AKAP19: variants seen among roughly 807,000 people sequenced by gnomAD.
The protein encoded by AKAP19 is small A-kinase anchoring protein.
the AKAP19 span, among the ~76,000 whole-genome samples, chr2:190,102,052 C>G: frequency 6.6e-6 from 1 of 152,104 alleles, no homozygotes; most frequent in Non-Finnish European, 1.5e-5. Flanking sequence ...GAAGATCTCT[C>G]AAAGCACACT....
At chr2:190,008,238 G>T in the AKAP19 span, among the ~76,000 whole-genome samples, 8 of 152,264 alleles carry the variant, frequency 5.3e-5, no homozygotes, top group Middle Eastern at 3.4e-3. Context: ...ATTAAGCAAA[G>T]TATGTAAATC....
the AKAP19 span, among the ~76,000 whole-genome samples, chr2:190,096,048 G>T: frequency 6.6e-6 from 1 of 152,106 alleles, no homozygotes; most frequent in African/African-American, 2.4e-5. Flanking sequence ...TTTCTTCATG[G>T]AGCTAAACAC....
At chr2:190,120,859 A>C in the AKAP19 span, among the ~76,000 whole-genome samples, 1 of 152,164 alleles carries the variant, frequency 6.6e-6, no homozygotes, top group African/African-American at 2.4e-5. Flanking sequence ...TTGGATGATA[A>C]AGGAATTTAC....
At chr2:189,962,527 A>G in the AKAP19 span, among the ~76,000 whole-genome samples, 1 of 152,230 alleles carries the variant, frequency 6.6e-6, no homozygotes, top group Non-Finnish European at 1.5e-5. Context: ...TATTACTAAC[A>G]GATAACGTGA....
At chr2:190,200,215 C>A in the AKAP19 span, 2 of 1,349,898 alleles carry the variant, frequency 1.5e-6, no homozygotes, top group South Asian at 1.3e-5. Context: ...AAAGCAAAAA[C>A]TGGTGTGAAA....
chr2:190,004,924 A>G, the AKAP19 span, among the ~76,000 whole-genome samples: 2 of 152,190 alleles, frequency 1.3e-5, no homozygotes, highest in Non-Finnish European at 2.9e-5. Context: ...TGTGTCCGCA[A>G]TTCATTCCTT....
At chr2:190,048,970 G>A in the AKAP19 span, among the ~76,000 whole-genome samples, 1 of 152,024 alleles carries the variant, frequency 6.6e-6, no homozygotes, top group African/African-American at 2.4e-5. Context: ...AATATAAGAT[G>A]CATTTTGGAA....
the AKAP19 span, among the ~76,000 whole-genome samples, chr2:190,021,525 A>G: frequency 3.3e-5 from 5 of 152,162 alleles, no homozygotes; most frequent in African/African-American, 4.8e-5. Context: ...AAAAGAACTT[A>G]CCATTTGATT....
At chr2:190,128,541 C>G in the AKAP19 span, among the ~76,000 whole-genome samples, 2 of 152,176 alleles carry the variant, frequency 1.3e-5, no homozygotes, top group Non-Finnish European at 2.9e-5. Flanking sequence ...AAAGATTAGT[C>G]ATATGCCCCA....
At chr2:189,912,328 G>A in the AKAP19 span, among the ~76,000 whole-genome samples, 1 of 152,082 alleles carries the variant, frequency 6.6e-6, no homozygotes, top group Non-Finnish European at 1.5e-5. Flanking sequence ...ATCACTTGAG[G>A]CCAGGAGTTC....
the AKAP19 span, among the ~76,000 whole-genome samples, chr2:189,941,543 A>G: frequency 1.3e-5 from 2 of 152,182 alleles, no homozygotes; most frequent in Non-Finnish European, 2.9e-5. Flanking sequence ...CTTTTCTTTG[A>G]GATCCAAAGT....
chr2:189,933,620 T>C, the AKAP19 span, among the ~76,000 whole-genome samples: 2 of 152,144 alleles, frequency 1.3e-5, no homozygotes, highest in South Asian at 4.1e-4. Flanking sequence ...GCTTTCTTTT[T>C]TGGACTTAGC....
At chr2:189,968,146 TAGA>T in the AKAP19 span, among the ~76,000 whole-genome samples, 33 of 152,188 alleles carry the variant, frequency 2.2e-4, no homozygotes, top group South Asian at 2.9e-3. Context: ...GAAAGAAATA[TAGA>T]AGAAGTGGGA....
the AKAP19 span, among the ~76,000 whole-genome samples, chr2:189,998,767 C>CTTT: frequency 5.5e-5 from 4 of 73,174 alleles, no homozygotes; most frequent in East Asian, 9.5e-4. Context: ...TTCTTTCTTT[C>CTTT]TTTCTTTTTT....
At chr2:189,993,075 G>T in the AKAP19 span, among the ~76,000 whole-genome samples, 1 of 152,162 alleles carries the variant, frequency 6.6e-6, no homozygotes, top group East Asian at 1.9e-4. Context: ...TGGTGAAAGT[G>T]GGCATCCTTG....
At chr2:189,930,795 C>G in the AKAP19 span, 4 of 819,210 alleles carry the variant, frequency 4.9e-6, no homozygotes, top group South Asian at 4.1e-5. Flanking sequence ...CTCCTTTAGG[C>G]AGATGTTGTA....
chr2:189,950,335 T>TG, the AKAP19 span, among the ~76,000 whole-genome samples: 6 of 2,264 alleles, frequency 2.7e-3, 1 homozygote, highest in South Asian at 0.21. Context: ...GCCTTTTTTG[T>TG]TTTTTTTTTT....
At chr2:190,142,470 C>T in the AKAP19 span, among the ~76,000 whole-genome samples, 1 of 152,208 alleles carries the variant, frequency 6.6e-6, no homozygotes, top group Non-Finnish European at 1.5e-5. Flanking sequence ...ACCCCAAACT[C>T]TTGCCACCAC....
the AKAP19 span, chr2:190,189,635 A>G: frequency 6.6e-6 from 1 of 152,184 alleles, no homozygotes; most frequent in Admixed American, 6.5e-5. Flanking sequence ...AAGTATTACT[A>G]ATCTATTTCC....
Sources: allele counts gnomAD v4.1 joint callset (sites outside exome capture counted in the v4.1 genomes callset), GRCh38; gene constraint gnomAD v4.1.1; transcripts MANE v1.5; gene names NCBI Gene and HGNC (gene_info 2026-07-23, HGNC 2026-07-21).